The following GINS3 variants were observed in gnomAD, a reference collection of about 807,000 sequenced individuals.
GINS3 encodes GINS complex subunit 3.
In GINS3, 18 loss-of-function variants were observed where a neutral mutation model predicts 20.0. The observed-to-expected ratio is 0.90, with a 90% confidence interval of 0.62 to 1.33. The LOEUF (loss-of-function observed/expected upper bound fraction) is 1.33, where lower values mean the gene tolerates loss of function less well. Ranked by LOEUF, GINS3 falls within the 40% of genes most tolerant of loss-of-function variation. The pLI is 0.00. For missense variants in GINS3, 254 were observed against 273.6 expected, an observed-to-expected ratio of 0.93 and a Z score of 0.51; for synonymous variants, 109 against 107.0, an observed-to-expected ratio of 1.02 and a Z score of -0.12.
At chr16:58,395,793 C>G (rs1455010653) in intron 1 of GINS3, among the ~76,000 whole-genome samples, 1 of 152,222 alleles carries the variant, frequency 6.6e-6, no homozygotes, top group Non-Finnish European at 1.5e-5. Context: ...TCCCCCCTTT[C>G]TATTCCACAA....
chr16:58,397,501 C>G (rs995907766), intron 1 of GINS3, among the ~76,000 whole-genome samples: 3 of 152,092 alleles, frequency 2.0e-5, no homozygotes, highest in Non-Finnish European at 4.4e-5. Flanking sequence ...CGCCACTGCA[C>G]TCCAGCCTGG....
intron 1 of GINS3, among the ~76,000 whole-genome samples, chr16:58,399,147 C>T (rs1965921103): frequency 6.6e-6 from 1 of 151,844 alleles, no homozygotes; most frequent in Non-Finnish European, 1.5e-5. Context: ...GACCCTGTCT[C>T]TAGGAAAAAT....
At chr16:58,401,266 C>T (rs1392785219) in intron 1 of GINS3, among the ~76,000 whole-genome samples, 1 of 152,024 alleles carries the variant, frequency 6.6e-6, no homozygotes, top group Non-Finnish European at 1.5e-5. Context: ...TTTGTGGTCT[C>T]GCTGGCTTCA....
In GINS3 at chr16:58,396,879, C is replaced by T. The variant is rs1260469756; in HGVS notation, c.186+4092C>T. Among the ~76,000 whole-genome samples, 177 of 136,554 alleles carry T rather than the reference C, an allele frequency of 1.3e-3. 1 individual carries two copies. The highest frequency in any genetic ancestry group is 2.2e-3 in the Non-Finnish European group (138 of 64,010). 89.6% of individuals were successfully genotyped at this position (136,554 alleles called of 152,430 possible). A position where few individuals can be genotyped will look rare whatever the true frequency, so the allele number is the denominator to read the frequency against. On this transcript the variant is annotated intron_variant, in intron 1 of 2. Coordinates refer to ENST00000318129, the MANE Select transcript of GINS3 (RefSeq NM_022770.4). ...TCACCTCCCGGACGGGGCGGCTGGC[C>T]GGGCGGGGGGCTGACCCCCCCACCT...
chr16:58,394,426 A>AG lies in GINS3; in HGVS notation c.186+1640dup, dbSNP rs1210288329. ...CAGTGGCATAATCTCAGCTCACTGC[A>AG]GCCTCCTCCACCTCCTGGGTTCAAG... On this transcript the variant is annotated intron_variant, in intron 1 of 2. Transcript: ENST00000318129. Among the ~76,000 whole-genome samples, 4 of 152,184 alleles carry AG rather than the reference A, an allele frequency of 2.6e-5. No homozygotes were observed. In the South Asian group the frequency reaches 6.2e-4, roughly 24 times the overall value.
At chr16:58,401,846 A>G (rs1965959359) in intron 1 of GINS3, among the ~76,000 whole-genome samples, 1 of 152,222 alleles carries the variant, frequency 6.6e-6, no homozygotes, top group African/African-American at 2.4e-5. Flanking sequence ...TAATTCAGGT[A>G]ATATATGCCT....
At chr16:58,394,074 AT>A (rs1965818617) in intron 1 of GINS3, among the ~76,000 whole-genome samples, 1 of 152,088 alleles carries the variant, frequency 6.6e-6, no homozygotes, top group Non-Finnish European at 1.5e-5. Flanking sequence ...TTTCGTTCCC[AT>A]ACACACTGGT....
At chr16:58,396,675 G>C (rs1393343045) in intron 1 of GINS3, among the ~76,000 whole-genome samples, 18 of 56,416 alleles carry the variant, frequency 3.2e-4, no homozygotes, top group East Asian at 1.8e-3. Flanking sequence ...CTGACCCCCC[G>C]ACCTCCCTCC....
chr16:58,403,758 G>T (rs1260500286), intron 2 of GINS3: 4 of 184,306 alleles, frequency 2.2e-5, no homozygotes, highest in African/African-American at 4.8e-5. Context: ...GAAAAAAAGG[G>T]CTATGGTGCA....
intron 1 of GINS3, among the ~76,000 whole-genome samples, chr16:58,397,236 A>G (rs530858907): frequency 1.0e-3 from 155 of 151,060 alleles, no homozygotes; most frequent in Non-Finnish European, 1.9e-3. Context: ...GATGCTCCTC[A>G]CATCCCAGAC....
rs1288857552 is a variant in GINS3 at position 58,405,073 on chromosome 16, AGCTT to A, written c.*345_*348del. On this transcript the variant is annotated 3_prime_UTR_variant, in exon 3 of 3. Transcript: ENST00000318129. ...ATTCCTTGTGTCTGGGAGTTTGGAC[AGCTT>A]CAGATGTACAGTTTCACTAGCCACA... 2 of 250,714 alleles carry A rather than the reference AGCTT, an allele frequency of 8.0e-6. No homozygotes were observed. The highest frequency in any genetic ancestry group is 4.5e-5 in the African/African-American group (2 of 44,920). The allele number at this position is 250,714 out of a possible 1,614,324, so 15.5% of individuals were successfully genotyped here.
intron 1 of GINS3, among the ~76,000 whole-genome samples, chr16:58,401,133 C>T (rs370293100): frequency 9.9e-5 from 15 of 151,972 alleles, no homozygotes; most frequent in African/African-American, 3.4e-4. Context: ...TCGCTGGTCT[C>T]GCTGACTTCA....
intron 1 of GINS3, among the ~76,000 whole-genome samples, chr16:58,394,693 A>AT (rs1199228412): frequency 6.6e-6 from 1 of 152,070 alleles, no homozygotes; most frequent in Non-Finnish European, 1.5e-5. Context: ...ATTAGACTTG[A>AT]TTATCAGCTT....
intron 1 of GINS3, among the ~76,000 whole-genome samples, chr16:58,396,078 G>T (rs1450672651): frequency 1.4e-5 from 2 of 144,224 alleles, no homozygotes; most frequent in Admixed American, 6.7e-5. Flanking sequence ...GCGGCTGGCC[G>T]GGCGGGGGGC....
intron 1 of GINS3, among the ~76,000 whole-genome samples, chr16:58,396,626 A>C (rs1211010706): frequency 6.9e-3 from 5 of 722 alleles, no homozygotes; most frequent in Non-Finnish European, 0.011. Flanking sequence ...TGATCCCCCC[A>C]CCTCCCTTCC....
chr16:58,397,820 T>TGGGGAGAGGGAGAGGGAA (rs1204242525), intron 1 of GINS3, among the ~76,000 whole-genome samples: 3 of 151,276 alleles, frequency 2.0e-5, no homozygotes, highest in African/African-American at 7.3e-5. Flanking sequence ...AGGGAGACCG[T>TGGGGAGAGGGAGAGGGAA]GGGGAGAGGG....
intron 1 of GINS3, among the ~76,000 whole-genome samples, chr16:58,398,504 G>C (rs1965913753): frequency 6.6e-6 from 1 of 152,156 alleles, no homozygotes; most frequent in South Asian, 2.1e-4. Flanking sequence ...AGCTACTCAG[G>C]AGGCTGAGGC....
At chr16:58,400,940 G>A (rs1030852156) in intron 1 of GINS3, among the ~76,000 whole-genome samples, 3 of 151,622 alleles carry the variant, frequency 2.0e-5, no homozygotes, top group Non-Finnish European at 4.4e-5. Context: ...TCAGCCTCCT[G>A]AGTAGCTAGG....
rs1966031324 is a variant in GINS3, at chr16:58,406,080, T to C, written c.*1351T>C. ...GCTCTTTCACTAGTACTACAGATAA[T>C]CAAAGCTATCAGAATTGTGTCTTTG... On this transcript the variant is annotated 3_prime_UTR_variant, in exon 3 of 3. Coordinates refer to ENST00000318129, the MANE Select transcript of GINS3 (RefSeq NM_022770.4). The C allele has an allele frequency of 6.6e-6, 1 of 151,876 alleles. No homozygotes were observed. The highest frequency in any genetic ancestry group is 6.5e-5 in the Admixed American group (1 of 15,276). The allele number at this position is 151,876 out of a possible 1,614,324, so 9.4% of individuals were successfully genotyped here.
Sources: allele counts gnomAD v4.1 joint callset (sites outside exome capture counted in the v4.1 genomes callset), GRCh38; gene constraint gnomAD v4.1.1; transcripts MANE v1.5; gene names NCBI Gene and HGNC (gene_info 2026-07-23, HGNC 2026-07-21).